Variants in GFI1 observed in about 807,000 individuals in gnomAD.
GFI1 encodes zinc finger protein Gfi-1.
GFI1 carries 15 observed loss-of-function variants against 39.2 expected under a neutral mutation model. The ratio of observed to expected loss-of-function variants is 0.38; its 90% confidence interval spans 0.26 to 0.59. GFI1 has a LOEUF of 0.59. Ranked by LOEUF, GFI1 falls within the 20% of genes least tolerant of loss-of-function variation. The pLI, the probability that GFI1 is intolerant of heterozygous loss-of-function variation, is 0.62. For missense variants in GFI1, 475 were observed against 574.0 expected (o/e 0.83, Z 1.76); for synonymous variants, 239 against 254.3 (o/e 0.94, Z 0.57).
Position 92,480,708 on chromosome 1 carries a change from G to C in GFI1, c.679C>G (p.His227Asp), listed in dbSNP as rs1321931186. ...AAGLLYPERG[H>D]GLHADKGAGV... The stretch of plus-strand genomic sequence containing the variant: ...GCGCCCTTGTCTGCGTGCAGCCCGT[G>C]GCCACGCTCGGGGTACAGCAAGCCC... The change falls in exon 4 of 7, where the codon CAC becomes GAC. Residue 227 changes from histidine (H) to aspartate (D), a missense_variant. By Grantham distance (81) the His-to-Asp change is moderately conservative. Coordinates refer to ENST00000294702, the MANE Select transcript of GFI1 (RefSeq NM_005263.5). This position sits in a 1 kb window ranked among gnomAD's most constrained non-coding sequence, Gnocchi z 5.6. The C allele has an allele frequency of 6.3e-7, 1 of 1,596,010 alleles. No homozygotes were observed. The highest frequency in any genetic ancestry group is 1.1e-5 in the South Asian group (1 of 89,610).
rs1658187429 is a variant in GFI1 at position 92,480,664 on chromosome 1, C to G, written c.723G>C (p.Ser241=). The change falls in exon 4 of 7, where the codon TCG becomes TCC. Residue 241 remains serine (S), a synonymous_variant. Transcript: ENST00000294702. The surrounding 1 kb of genome is among the most constrained non-coding windows in gnomAD (Gnocchi z 5.6). ...GCAGCAGGCGGGTGCACAGCAGCTCCGACTCCACCTTGACGCCAGCGCCCT... is the reference window on the plus strand; with the variant it reads ...GCAGCAGGCGGGTGCACAGCAGCTCGGACTCCACCTTGACGCCAGCGCCCT... The part of the protein sequence containing the change: ...ADKGAGVKVE[S]ELLCTRLLLG... 6.3e-7 allele frequency: 1 copy of G among 1,595,498 alleles called. No individual in the cohort carries two copies. The highest frequency in any genetic ancestry group is 8.5e-7 in the Non-Finnish European group (1 of 1,177,628).
At chr1:92,478,809 T>C in intron 5 of GFI1, 56 bp from the exon 6 acceptor site, 1 of 1,481,882 alleles carries the variant, frequency 6.7e-7, no homozygotes, top group East Asian at 2.3e-5. Flanking sequence ...GAACTCCTAC[T>C]GCAGTCAACT....
chr1:92,480,001 G>A lies in GFI1; in HGVS notation c.924+347C>T, dbSNP rs143489726. Among the ~76,000 whole-genome samples, 106 of 152,262 alleles carry A rather than the reference G, an allele frequency of 7.0e-4. 1 individual carries two copies. Among genetic ancestry groups the A allele is most frequent in the African/African-American group, 2.5e-3 (102 of 41,548 alleles). ...GCAAATTAAGTGACAACCATTTGGT[G>A]AAAAGAATAGGCACAAAGAAACAGA... is the stretch of plus-strand genomic sequence containing the variant. On this transcript the variant is annotated intron_variant, in intron 5 of 6. Transcript: ENST00000294702. The surrounding 1 kb of genome is among the most constrained non-coding windows in gnomAD (Gnocchi z 5.6).
rs957819889 is a variant in GFI1, at chr1:92,481,157, T to G, written c.299-69A>C. On this transcript the variant is annotated intron_variant, in intron 3 of 6. Transcript: ENST00000294702. This position sits in a 1 kb window ranked among gnomAD's most constrained non-coding sequence, Gnocchi z 4.3. Reference sequence around the variant, plus strand: ...AGAGCGGAGGCCGCCGGGCTGCGGCTGCGAGCGTGGCGTGTTCGCGGACTG... The same window carrying G: ...AGAGCGGAGGCCGCCGGGCTGCGGCGGCGAGCGTGGCGTGTTCGCGGACTG... The G allele has an allele frequency of 1.4e-6, 2 of 1,382,618 alleles. No individual in the cohort carries two copies. Among genetic ancestry groups the G allele is most frequent in the Admixed American group, 1.9e-5 (1 of 53,210 alleles). The allele number at this position is 1,382,618 out of a possible 1,614,324, so 85.6% of individuals were successfully genotyped here.
intron 5 of GFI1, among the ~76,000 whole-genome samples, chr1:92,479,129 G>T (rs781088635): frequency 6.6e-6 from 1 of 152,242 alleles, no homozygotes; most frequent in East Asian, 1.9e-4. Flanking sequence ...GCCTCTCAAA[G>T]TATTGGGATT....
chr1:92,473,730 C>T lies in GFI1; in HGVS notation c.*2299G>A, dbSNP rs1657828571. Reference sequence around the variant, plus strand: ...CAGGCTGTCAAGCAATCTCTCTTCCCTTTGTGCTGTAGAGAGCAGAGCCAG... The same window carrying T: ...CAGGCTGTCAAGCAATCTCTCTTCCTTTTGTGCTGTAGAGAGCAGAGCCAG... On this transcript the variant is annotated 3_prime_UTR_variant, in exon 7 of 7. Transcript: ENST00000294702. Among the ~76,000 whole-genome samples, 1 of 152,134 alleles carries T rather than the reference C, an allele frequency of 6.6e-6. No individual in the cohort carries two copies. The highest frequency in any genetic ancestry group is 1.5e-5 in the Non-Finnish European group (1 of 68,024).
At position 92,474,162 on chromosome 1, in the gene GFI1, A is replaced by T. The variant is rs191351103; in HGVS notation, c.*1867T>A. On this transcript the variant is annotated 3_prime_UTR_variant, in exon 7 of 7. Transcript: ENST00000294702. ...TGGGACAGAACCAGAAATAACCCAG[A>T]TCCTCATGGGCCTTTAGATTTGTGA... Among the ~76,000 whole-genome samples the T allele has an allele frequency of 6.6e-6, 1 of 152,232 alleles. No homozygotes were observed. The highest frequency in any genetic ancestry group is 2.4e-5 in the African/African-American group (1 of 41,456).
At position 92,475,157 on chromosome 1, in the gene GFI1, T is replaced by C. The variant is rs1021049878; in HGVS notation, c.*872A>G. 6.6e-6 allele frequency: 1 copy of C among 152,246 alleles called. No homozygotes were observed. The highest frequency in any genetic ancestry group is 1.5e-5 in the Non-Finnish European group (1 of 68,068). 9.4% of individuals were successfully genotyped at this position (152,246 alleles called of 1,614,324 possible). ...CACTTGGAGGTGCAACCGTTAGCTT[T>C]TGAGGAGCAGTCAGGGGTTGTGACT... On this transcript the variant is annotated 3_prime_UTR_variant, in exon 7 of 7. Transcript: ENST00000294702.
rs115087600 is a variant in GFI1, at chr1:92,478,169, C to T, written c.1090+419G>A. ...GCTCTCAGACTCCTGAAAATGCAGC[C>T]GGAGAGTCCACACGAGTCCCTCCCA... is the stretch of plus-strand genomic sequence containing the variant. On this transcript the variant is annotated intron_variant, in intron 6 of 6. Coordinates refer to ENST00000294702, the MANE Select transcript of GFI1 (RefSeq NM_005263.5). 3.3e-3 allele frequency among the ~76,000 whole-genome samples: 497 copies of T among 152,256 alleles called. 7 individuals are homozygous for T. The highest frequency in any genetic ancestry group is 4.3e-3 in the Non-Finnish European group (291 of 68,006).
At chr1:92,485,440 G>A (rs957280771) in intron 1 of GFI1, among the ~76,000 whole-genome samples, 2 of 152,222 alleles carry the variant, frequency 1.3e-5, no homozygotes, top group African/African-American at 4.8e-5. Flanking sequence ...AGCTGGGTCT[G>A]GGCTGGCGCC....
At position 92,484,697 on chromosome 1, in the gene GFI1, G is replaced by C. The variant is rs1658443309; in HGVS notation, c.-99-1111C>G. On this transcript the variant is annotated intron_variant, in intron 1 of 6. Transcript: ENST00000294702. The surrounding 1 kb of genome is among the most constrained non-coding windows in gnomAD (Gnocchi z 4.1). Reference sequence around the variant, plus strand: ...AGGTCGAAATCTGAGCGCAGCGGGAGGGCGTGGCTGCGCCTGCCGCTAGGC... The same window carrying C: ...AGGTCGAAATCTGAGCGCAGCGGGACGGCGTGGCTGCGCCTGCCGCTAGGC... 1 of 152,446 alleles carries C rather than the reference G, an allele frequency of 6.6e-6. No homozygotes were observed. Among genetic ancestry groups the C allele is most frequent in the Admixed American group, 6.5e-5 (1 of 15,288 alleles). 9.4% of individuals were successfully genotyped at this position (152,446 alleles called of 1,614,324 possible).
At chr1:92,485,280 G>A (rs1658473799) in intron 1 of GFI1, among the ~76,000 whole-genome samples, 1 of 152,170 alleles carries the variant, frequency 6.6e-6, no homozygotes. Flanking sequence ...ACAATTAGAC[G>A]CCACAAACCC....
chr1:92,476,113 G>A lies in GFI1; in HGVS notation c.1185C>T (p.Pro395=), dbSNP rs1657957645. 1 of 1,614,118 alleles carries A rather than the reference G, an allele frequency of 6.2e-7. No homozygotes were observed. Among genetic ancestry groups the A allele is most frequent in the Admixed American group, 1.7e-5 (1 of 60,014 alleles). The change falls in exon 7 of 7, where the codon CCC becomes CCT. Residue 395 remains proline (P), a synonymous_variant. Coordinates refer to ENST00000294702, the MANE Select transcript of GFI1 (RefSeq NM_005263.5). ...THSRKHTGFK[P]FGCDLCGKGF... The stretch of plus-strand genomic sequence containing the variant: ...CCTTCCCACAGAGGTCGCAGCCGAA[G>A]GGCTTGAAGCCTGTGTGTTTGCGGC...
In GFI1 at chr1:92,481,164, G is replaced by A. The variant is rs1658232849; in HGVS notation, c.299-76C>T. 7.6e-7 allele frequency: 1 copy of A among 1,321,172 alleles called. No individual in the cohort carries two copies. The highest frequency in any genetic ancestry group is 1.1e-6 in the Non-Finnish European group (1 of 936,902). 81.8% of individuals were successfully genotyped at this position (1,321,172 alleles called of 1,614,324 possible). ...AGGCCGCCGGGCTGCGGCTGCGAGC[G>A]TGGCGTGTTCGCGGACTGCGGGGCA... is the stretch of plus-strand genomic sequence containing the variant. On this transcript the variant is annotated intron_variant, in intron 3 of 6. Transcript: ENST00000294702. The surrounding 1 kb of genome is among the most constrained non-coding windows in gnomAD (Gnocchi z 4.3).
rs1474397178 is a variant in GFI1, at chr1:92,474,298, C to G, written c.*1731G>C. On this transcript the variant is annotated 3_prime_UTR_variant, in exon 7 of 7. Transcript: ENST00000294702. ...GAATGACAGAGCTGTCTCCGTATTA[C>G]TTGATCAAGGAAACCAGTATCGGGG... Among the ~76,000 whole-genome samples the G allele has an allele frequency of 6.6e-6, 1 of 152,220 alleles. No homozygotes were observed. The highest frequency in any genetic ancestry group is 2.4e-5 in the African/African-American group (1 of 41,460).
Position 92,475,939 on chromosome 1 carries a change from G to T in GFI1, c.*90C>A. On this transcript the variant is annotated 3_prime_UTR_variant, in exon 7 of 7. Coordinates refer to ENST00000294702, the MANE Select transcript of GFI1 (RefSeq NM_005263.5). ...CTGGGGTCTGGAAAGTCAGAAGGGA[G>T]TGGAGGCAAGCAGGGAGCAGAGTGG... 1 of 1,250,456 alleles carries T rather than the reference G, an allele frequency of 8.0e-7. No individual in the cohort carries two copies. The highest frequency in any genetic ancestry group is 1.1e-6 in the Non-Finnish European group (1 of 869,640). The allele number at this position is 1,250,456 out of a possible 1,614,324, so 77.5% of individuals were successfully genotyped here.
At position 92,482,092 on chromosome 1, in the gene GFI1, C is replaced by T. The variant is rs1003024644; in HGVS notation, c.298+772G>A. Among the ~76,000 whole-genome samples, 1 of 152,106 alleles carries T rather than the reference C, an allele frequency of 6.6e-6. No homozygotes were observed. Among genetic ancestry groups the T allele is most frequent in the African/African-American group, 2.4e-5 (1 of 41,418 alleles). The stretch of plus-strand genomic sequence containing the variant: ...GGAAGAATCCTCCCGCCGCCGGCTC[C>T]CAGACACACTTGCTGGAGCTATGGT... On this transcript the variant is annotated intron_variant, in intron 3 of 6. Coordinates refer to ENST00000294702, the MANE Select transcript of GFI1 (RefSeq NM_005263.5). The surrounding 1 kb of genome is among the most constrained non-coding windows in gnomAD (Gnocchi z 4.4).
chr1:92,480,553 G>C lies in GFI1; in HGVS notation c.786+48C>G. 6.5e-7 allele frequency: 1 copy of C among 1,543,378 alleles called. No individual in the cohort carries two copies. Among genetic ancestry groups the C allele is most frequent in the Non-Finnish European group, 8.7e-7 (1 of 1,145,450 alleles). On this transcript the variant is annotated intron_variant, in intron 4 of 6. Transcript: ENST00000294702. This position sits in a 1 kb window ranked among gnomAD's most constrained non-coding sequence, Gnocchi z 5.6. ...GCGGGGCGCAGGCGAGGCGCGGGTA[G>C]GGGAAGCGGGCGCACGGCAGGCGAG...
Position 92,482,860 on chromosome 1 carries a change from C to T in GFI1, c.298+4G>A. ...CGCCCAAGAGGTTCCCAGTGGGTTC[C>T]TACCTGGAGACGCGGAGGGTGACGG... is the stretch of plus-strand genomic sequence containing the variant. On this transcript the variant is annotated splice_donor_region_variant and intron_variant, in intron 3 of 6. Transcript: ENST00000294702. The surrounding 1 kb of genome is among the most constrained non-coding windows in gnomAD (Gnocchi z 4.4). The T allele has an allele frequency of 3.7e-6, 6 of 1,613,348 alleles. No homozygotes were observed. The highest frequency in any genetic ancestry group is 5.1e-6 in the Non-Finnish European group (6 of 1,179,340).
Sources: allele counts gnomAD v4.1 joint callset (sites outside exome capture counted in the v4.1 genomes callset), GRCh38; gene constraint gnomAD v4.1.1; non-coding constraint Gnocchi (gnomAD v3.1); transcripts MANE v1.5; gene names NCBI Gene and HGNC (gene_info 2026-07-23, HGNC 2026-07-21).